The following SEMA3A variants were observed in gnomAD, a reference collection of about 807,000 sequenced individuals.
SEMA3A encodes semaphorin-3A.
Under a neutral mutation model 97.9 loss-of-function variants are expected in SEMA3A, and 29 were observed. That is an observed-to-expected ratio of 0.30 (90% CI 0.22 to 0.40). The LOEUF (loss-of-function observed/expected upper bound fraction) is 0.40. Ranked by LOEUF, SEMA3A falls within the 10% of genes least tolerant of loss-of-function variation. The pLI is 1.00. For synonymous variants in SEMA3A, 321 were observed against 323.7 expected (o/e 0.99, Z 0.09); for missense variants, 763 against 951.3 (o/e 0.80, Z 2.60).
chr7:84,254,986 G>A (rs1300220724), intron 3 of SEMA3A, among the ~76,000 whole-genome samples: 1 of 152,086 alleles, frequency 6.6e-6, no homozygotes, highest in Non-Finnish European at 1.5e-5. Flanking sequence ...GTCTTTTCAA[G>A]TTCTAGTTTT....
chr7:84,308,026 A>G (rs1444736282), intron 2 of SEMA3A, among the ~76,000 whole-genome samples: 2 of 152,148 alleles, frequency 1.3e-5, no homozygotes, highest in Non-Finnish European at 2.9e-5. Flanking sequence ...TGAAAACAAA[A>G]AAAGTATGCA....
chr7:84,284,056 T>C lies in SEMA3A; in HGVS notation c.-83+23151A>G, dbSNP rs184967066. On this transcript the variant is annotated intron_variant, in intron 3 of 3. Coordinates refer to the SEMA3A transcript ENST00000424555. ...ACAAAAGATTTGAATGAAGCTGTTA[T>C]GGTTATCAACATCATGTCTGAAAAT... 5.3e-5 allele frequency among the ~76,000 whole-genome samples: 8 copies of C among 152,282 alleles called. No individual in the cohort carries two copies. The East Asian group carries it at 1.4e-3, about 26-fold the overall frequency.
At chr7:84,057,563 G>A (rs565107194) in intron 5 of SEMA3A, among the ~76,000 whole-genome samples, 13 of 152,036 alleles carry the variant, frequency 8.6e-5, no homozygotes, top group South Asian at 4.1e-4. Context: ...TCAGGAGTTC[G>A]AGACCAGCCT....
At chr7:84,323,896 C>T (rs377540211) in intron 2 of SEMA3A, among the ~76,000 whole-genome samples, 1 of 152,124 alleles carries the variant, frequency 6.6e-6, no homozygotes, top group Non-Finnish European at 1.5e-5. Flanking sequence ...ATATTTACAT[C>T]AAACATCTTT....
chr7:83,979,816 A>T (rs1789318963), intron 14 of SEMA3A, among the ~76,000 whole-genome samples: 1 of 152,180 alleles, frequency 6.6e-6, no homozygotes, highest in Non-Finnish European at 1.5e-5. Flanking sequence ...ACACTCAGTC[A>T]ATGTTATCTA....
chr7:84,110,276 C>T (rs1006531914), intron 4 of SEMA3A, among the ~76,000 whole-genome samples, 194 bp downstream of exon 4: 1 of 152,288 alleles, frequency 6.6e-6, no homozygotes, highest in East Asian at 1.9e-4. Context: ...CTTCCTCCTG[C>T]TCCCTAGTTT....
At chr7:84,126,379 T>C (rs1795794384) in intron 3 of SEMA3A, among the ~76,000 whole-genome samples, 2 of 152,028 alleles carry the variant, frequency 1.3e-5, no homozygotes, top group South Asian at 4.2e-4. Context: ...CTAATTTTTG[T>C]ATTTTTAGTA....
intron 3 of SEMA3A, among the ~76,000 whole-genome samples, chr7:84,235,526 A>G (rs1406839853): frequency 6.6e-6 from 1 of 152,014 alleles, no homozygotes; most frequent in Non-Finnish European, 1.5e-5. Flanking sequence ...TACTTGAAAT[A>G]TCTGCATGAA....
chr7:84,227,243 A>C (rs115648340), intron 3 of SEMA3A, among the ~76,000 whole-genome samples: 4,202 of 151,984 alleles, frequency 0.028, 203 homozygotes, highest in African/African-American at 0.097. Flanking sequence ...ACAGCACAGG[A>C]GAAATGTAAT....
chr7:84,170,664 T>C (rs1797357890), intron 1 of SEMA3A, among the ~76,000 whole-genome samples: 1 of 152,062 alleles, frequency 6.6e-6, no homozygotes, highest in South Asian at 2.1e-4. Flanking sequence ...CATATTAAAA[T>C]CTCTGAGAAT....
intron 3 of SEMA3A, among the ~76,000 whole-genome samples, chr7:84,117,276 T>G (rs554415705): frequency 6.6e-6 from 1 of 152,194 alleles, no homozygotes; most frequent in African/African-American, 2.4e-5. Context: ...TTTAGTGATA[T>G]GTAGTAAAGA....
At position 84,372,584 on chromosome 7, in the gene SEMA3A, T is replaced by C. The variant is rs146358722; in HGVS notation, c.-245-684A>G. 2.9e-3 allele frequency among the ~76,000 whole-genome samples: 443 copies of C among 152,172 alleles called. 1 individual carries two copies. Among genetic ancestry groups the C allele is most frequent in the African/African-American group, 0.01 (425 of 41,540 alleles). ...GAGAGTTTTAGTGCTGAAAACTGCA[T>C]TCAGAGAAACACACAAGTGGTTCTT... On this transcript the variant is annotated intron_variant, in intron 1 of 3. Coordinates refer to the SEMA3A transcript ENST00000424555.
intron 6 of SEMA3A, among the ~76,000 whole-genome samples, chr7:84,017,353 C>T (rs1791144976): frequency 6.6e-6 from 1 of 152,066 alleles, no homozygotes; most frequent in Non-Finnish European, 1.5e-5. Flanking sequence ...GTGTCTTCTT[C>T]AATATATGAT....
At chr7:84,034,901 AAG>A (rs1312705048) in intron 6 of SEMA3A, among the ~76,000 whole-genome samples, 1 of 152,130 alleles carries the variant, frequency 6.6e-6, no homozygotes, top group Non-Finnish European at 1.5e-5. Context: ...TCTTTTGAAT[AAG>A]CACGTTTCCT....
chr7:84,162,046 A>G (rs1232808009), intron 1 of SEMA3A, among the ~76,000 whole-genome samples: 1 of 152,158 alleles, frequency 6.6e-6, no homozygotes, highest in East Asian at 1.9e-4. Flanking sequence ...GATTTACTAA[A>G]AATAAAATGT....
chr7:84,173,435 T>G (rs1415180334), intron 1 of SEMA3A, among the ~76,000 whole-genome samples: 1 of 151,878 alleles, frequency 6.6e-6, no homozygotes, highest in Non-Finnish European at 1.5e-5. Flanking sequence ...GGCGCATGCC[T>G]TTAATCTCAG....
At chr7:84,285,714 AAGTGGGTGGATC>A (rs113673386) in intron 3 of SEMA3A, among the ~76,000 whole-genome samples, 115 of 152,188 alleles carry the variant, frequency 7.6e-4, no homozygotes, top group African/African-American at 2.6e-3. Context: ...TGGAAGACCT[AAGTGGGTGGATC>A]AGTTGAGCTC....
intron 1 of SEMA3A, among the ~76,000 whole-genome samples, chr7:84,462,079 TTCTCTC>T (rs1284535063): frequency 6.6e-6 from 1 of 152,122 alleles, no homozygotes; most frequent in East Asian, 1.9e-4. Flanking sequence ...TATTAATAAT[TTCTCTC>T]TCTTCGTGAA....
Position 84,091,162 on chromosome 7 carries a change from AGG to A in SEMA3A, c.453+19306_453+19307del, listed in dbSNP as rs1491437558. Among the ~76,000 whole-genome samples the A allele has an allele frequency of 9.0e-4, 34 of 37,768 alleles. 1 individual carries two copies. Among genetic ancestry groups the A allele is most frequent in the African/African-American group, 2.5e-3 (26 of 10,234 alleles). The allele number at this position is 37,768 out of a possible 152,430, so 24.8% of individuals were successfully genotyped here. ...AAGGAAGGAAGGAAGGAAGGAAGGA[AGG>A]AAGGAAAGAAAGAAAGAAAGAAAGA... On this transcript the variant is annotated intron_variant, in intron 4 of 16. Transcript: ENST00000265362.
Sources: allele counts gnomAD v4.1 joint callset (sites outside exome capture counted in the v4.1 genomes callset), GRCh38; gene constraint gnomAD v4.1.1; transcripts MANE v1.5; gene names NCBI Gene and HGNC (gene_info 2026-07-23, HGNC 2026-07-21).